The following RBMS1 variants were observed in gnomAD, a reference collection of about 807,000 sequenced individuals.
RBMS1 encodes RNA-binding motif, single-stranded-interacting protein 1.
Under a neutral mutation model 62.3 loss-of-function variants are expected in RBMS1, and 17 were observed. The observed-to-expected ratio is 0.27, with a 90% confidence interval of 0.19 to 0.41. The LOEUF is 0.41. Ranked by LOEUF, RBMS1 falls within the 10% of genes least tolerant of loss-of-function variation. The pLI is 1.00. For synonymous variants in RBMS1, 172 were observed against 170.0 expected, an observed-to-expected ratio of 1.01 and a Z score of -0.09; for missense variants, 334 against 504.5, an observed-to-expected ratio of 0.66 and a Z score of 3.24.
intron 2 of RBMS1, among the ~76,000 whole-genome samples, chr2:160,336,458 G>T (rs1194661676): frequency 1.3e-5 from 2 of 152,038 alleles, no homozygotes; most frequent in Non-Finnish European, 2.9e-5. Context: ...CACAGACCAT[G>T]AAGAAACCAA....
At chr2:160,364,135 T>A (rs1424780978) in intron 2 of RBMS1, among the ~76,000 whole-genome samples, 1 of 151,786 alleles carries the variant, frequency 6.6e-6, no homozygotes, top group South Asian at 2.1e-4. Flanking sequence ...TCAAGCAGAG[T>A]GTTTGTTTGG....
At chr2:160,342,232 C>T (rs982613258) in intron 2 of RBMS1, among the ~76,000 whole-genome samples, 2 of 152,148 alleles carry the variant, frequency 1.3e-5, no homozygotes, top group Non-Finnish European at 2.9e-5. Flanking sequence ...CAGCTATTCA[C>T]TTGTGTTCCT....
intron 1 of RBMS1, among the ~76,000 whole-genome samples, chr2:160,435,510 T>C (rs896121634): frequency 2.6e-5 from 4 of 152,240 alleles, no homozygotes; most frequent in Admixed American, 2.6e-4. Context: ...TTATATAGTA[T>C]ATTTTACTGT....
intron 2 of RBMS1, among the ~76,000 whole-genome samples, chr2:160,335,877 AAG>A (rs1691540192): frequency 6.6e-6 from 1 of 152,152 alleles, no homozygotes; most frequent in Admixed American, 6.5e-5. Flanking sequence ...ACAGCTGACA[AAG>A]AGGACCATTC....
At chr2:160,348,423 T>A (rs1240483617) in intron 2 of RBMS1, among the ~76,000 whole-genome samples, 1 of 152,138 alleles carries the variant, frequency 6.6e-6, no homozygotes, top group East Asian at 1.9e-4. Flanking sequence ...ACAGCCTGTC[T>A]TGTTTTAGAA....
chr2:160,388,969 C>T (rs1694721630), intron 1 of RBMS1, among the ~76,000 whole-genome samples: 1 of 152,230 alleles, frequency 6.6e-6, no homozygotes, highest in Admixed American at 6.5e-5. Context: ...TCCACATGTG[C>T]TCATCTCACA....
At chr2:160,360,935 A>T (rs1693095471) in intron 2 of RBMS1, among the ~76,000 whole-genome samples, 1 of 152,236 alleles carries the variant, frequency 6.6e-6, no homozygotes, top group Non-Finnish European at 1.5e-5. Flanking sequence ...GGGACAGAAA[A>T]TAAATATGTA....
chr2:160,339,804 C>T (rs1428582662), intron 2 of RBMS1, among the ~76,000 whole-genome samples: 3 of 152,138 alleles, frequency 2.0e-5, no homozygotes, highest in Non-Finnish European at 4.4e-5. Flanking sequence ...AGTAAACACA[C>T]AGCAACATGT....
chr2:160,300,695 C>T lies in RBMS1; in HGVS notation c.596G>A (p.Gly199Asp), dbSNP rs1689163586. 6.2e-7 allele frequency: 1 copy of T among 1,601,618 alleles called. No homozygotes were observed. Among genetic ancestry groups the T allele is most frequent in the African/African-American group, 1.3e-5 (1 of 74,534 alleles). The change falls in exon 6 of 14, where the codon GGT (glycine) becomes GAT (aspartate). Residue 199 changes from glycine to aspartate, a missense_variant. Coordinates refer to ENST00000348849, the MANE Select transcript of RBMS1 (RefSeq NM_016836.4). ...ESTEKCEAVIGHFNGKFIKTP... is the reference protein window; with the variant it reads ...ESTEKCEAVIDHFNGKFIKTP... The stretch of plus-strand genomic sequence containing the variant: ...CTTAATAAATTTTCCATTAAAATGA[C>T]CAATAACAGCTTCACATTTTTCTGT...
At chr2:160,447,955 G>A (rs1683732618) in intron 1 of RBMS1, among the ~76,000 whole-genome samples, 1 of 152,038 alleles carries the variant, frequency 6.6e-6, no homozygotes, top group Non-Finnish European at 1.5e-5. Flanking sequence ...TCTTAAAAAC[G>A]GTTGAACGAA....
intron 1 of RBMS1, among the ~76,000 whole-genome samples, chr2:160,449,629 A>G (rs1194893544): frequency 6.6e-6 from 1 of 152,130 alleles, no homozygotes; most frequent in Non-Finnish European, 1.5e-5. Flanking sequence ...TGAAGGCAGC[A>G]TGCTCCTTAA....
chr2:160,286,311 TTTTTTTTTA>T (rs1473106334), intron 7 of RBMS1, among the ~76,000 whole-genome samples: 2 of 150,860 alleles, frequency 1.3e-5, no homozygotes, highest in African/African-American at 4.9e-5. Flanking sequence ...TTCTTTTTTT[TTTTTTTTTA>T]TTTTGTTTTT....
At chr2:160,474,432 T>TA (rs1685045918) in intron 1 of RBMS1, among the ~76,000 whole-genome samples, 1 of 152,214 alleles carries the variant, frequency 6.6e-6, no homozygotes, top group Non-Finnish European at 1.5e-5. Context: ...TCTTTACTGA[T>TA]ATGACTGCAA....
intron 2 of RBMS1, among the ~76,000 whole-genome samples, chr2:160,319,836 T>C (rs1690455812): frequency 6.6e-6 from 1 of 152,234 alleles, no homozygotes; most frequent in Non-Finnish European, 1.5e-5. Flanking sequence ...TCTCCTTCAG[T>C]TAATCTTCCT....
At chr2:160,468,276 G>A (rs1684777105) in intron 1 of RBMS1, among the ~76,000 whole-genome samples, 1 of 152,086 alleles carries the variant, frequency 6.6e-6, no homozygotes. Context: ...GAGTAACAAA[G>A]GTTTCAAAGA....
intron 10 of RBMS1, among the ~76,000 whole-genome samples, chr2:160,280,675 T>G (rs1277119319): frequency 6.6e-6 from 1 of 152,228 alleles, no homozygotes; most frequent in East Asian, 1.9e-4. Flanking sequence ...AGGGTCATTG[T>G]GTTGGACATC....
chr2:160,278,805 A>G (rs1687965941), intron 10 of RBMS1, 147 bp from the exon 11 acceptor site: 1 of 583,846 alleles, frequency 1.7e-6, no homozygotes, highest in Admixed American at 3.4e-5. Flanking sequence ...GGCATCATAA[A>G]CAGTTTCCTA....
At chr2:160,445,937 A>AT (rs1219812806) in intron 1 of RBMS1, among the ~76,000 whole-genome samples, 1 of 152,066 alleles carries the variant, frequency 6.6e-6, no homozygotes, top group Non-Finnish European at 1.5e-5. Flanking sequence ...CTGTTCAGTG[A>AT]TATCACTGCA....
chr2:160,379,759 G>A (rs1694184270), intron 1 of RBMS1, among the ~76,000 whole-genome samples: 1 of 152,194 alleles, frequency 6.6e-6, no homozygotes. Context: ...CTTTTCTGTT[G>A]CTAAAGCTAA....
Sources: gnomAD v4.1 joint callset for allele counts (sites outside exome capture counted in the v4.1 genomes callset) on GRCh38, gnomAD v4.1.1 for gene constraint, MANE v1.5 for transcripts, NCBI Gene and HGNC (gene_info 2026-07-23, HGNC 2026-07-21) for gene names.